AFP: variants seen among roughly 807,000 people sequenced by gnomAD.
AFP encodes the protein alpha fetoprotein.
Under a neutral mutation model 78.9 loss-of-function variants are expected in AFP, and 64 were observed. That is an observed-to-expected ratio of 0.81 (90% CI 0.66 to 1.00). The LOEUF is 1.00. Among genes scored for constraint, AFP ranks in the 50% least tolerant of loss-of-function variants. AFP has a pLI of 0.00. For synonymous variants in AFP, 254 were observed against 243.8 expected, an observed-to-expected ratio of 1.04 and a Z score of -0.39; for missense variants, 689 against 703.8, an observed-to-expected ratio of 0.98 and a Z score of 0.24.
chr4:73,450,518 C>T, intron 10 of AFP, 97 bp from the exon 11 acceptor site: 1 of 1,573,530 alleles, frequency 6.4e-7, no homozygotes. Context: ...GACCTCATGT[C>T]TTCTGGCATG....
At chr4:73,454,039 C>A in intron 13 of AFP, 142 bp downstream of exon 13, 1 of 923,468 alleles carries the variant, frequency 1.1e-6, no homozygotes, top group Admixed American at 3.1e-5. Flanking sequence ...TTGAGGGATT[C>A]TATAAGATTT....
intron 7 of AFP, among the ~76,000 whole-genome samples, chr4:73,447,069 G>A (rs1414308066): frequency 6.6e-6 from 1 of 152,106 alleles, no homozygotes; most frequent in African/African-American, 2.4e-5. Flanking sequence ...CACTATTAGA[G>A]GAGGGATTTG....
In AFP at chr4:73,445,194, G is replaced by A. The variant is rs1157494227; in HGVS notation, c.843+72G>A. 1.9e-6 allele frequency: 3 copies of A among 1,582,950 alleles called. No individual in the cohort carries two copies. In the East Asian group the frequency reaches 6.8e-5, roughly 36 times the overall value. ...TTTCTTTTTGTCTCATTCTAAAAGG[G>A]AGAAGGTTGTTTGACTTGAATTGGT... On this transcript the variant is annotated intron_variant, in intron 7 of 14. Transcript: ENST00000395792.
chr4:73,448,081 A>G (rs781120305), intron 8 of AFP, among the ~76,000 whole-genome samples: 4 of 152,182 alleles, frequency 2.6e-5, no homozygotes, highest in Non-Finnish European at 5.9e-5. Context: ...TGTTAAAAAA[A>G]AAACTTTTCT....
At position 73,451,176 on chromosome 4, in the gene AFP, A is replaced by G. The variant is rs77784329; in HGVS notation, c.1428+423A>G. 2.4e-3 allele frequency among the ~76,000 whole-genome samples: 362 copies of G among 152,232 alleles called. 1 individual carries two copies. The highest frequency in any genetic ancestry group is 8.6e-3 in the African/African-American group (356 of 41,552). On this transcript the variant is annotated intron_variant, in intron 11 of 14. Coordinates refer to ENST00000395792, the MANE Select transcript of AFP (RefSeq NM_001134.3). Reference sequence around the variant, plus strand: ...GTCATGCTATTTTAGCCATATTTATATTTTCACCTTTTGTAACATGATATT... The same window carrying G: ...GTCATGCTATTTTAGCCATATTTATGTTTTCACCTTTTGTAACATGATATT...
intron 14 of AFP, 61 bp from the exon 15 acceptor site, chr4:73,455,570 C>A (rs568232780): frequency 5.0e-5 from 33 of 665,500 alleles, no homozygotes; most frequent in East Asian, 1.1e-4. Flanking sequence ...ATAATAGAAC[C>A]AGTTACTTAC....
intron 6 of AFP, 26 bp from the exon 7 acceptor site, chr4:73,444,967 A>C (rs746404068): frequency 6.4e-7 from 1 of 1,568,488 alleles, no homozygotes. Context: ...CAAGAAATTA[A>C]TTTCTAATTT....
chr4:73,453,310 T>C (rs1426479081), intron 12 of AFP, among the ~76,000 whole-genome samples: 1 of 152,206 alleles, frequency 6.6e-6, no homozygotes, highest in Non-Finnish European at 1.5e-5. Context: ...GTCTACTTTC[T>C]ATTGCTCTGG....
At chr4:73,438,591 C>T (rs571570314) in intron 3 of AFP, among the ~76,000 whole-genome samples, 1 of 152,112 alleles carries the variant, frequency 6.6e-6, no homozygotes, top group South Asian at 2.1e-4. Flanking sequence ...GTTTTCTTAT[C>T]TGTAAAATAA....
chr4:73,443,381 G>C lies in AFP; in HGVS notation c.650G>C (p.Ser217Thr). 6.2e-7 allele frequency: 1 copy of C among 1,613,796 alleles called. No homozygotes were observed. The highest frequency in any genetic ancestry group is 1.1e-5 in the South Asian group (1 of 91,058). ...ATVTKELRESSLLNQHACAVM... is the reference protein window; with the variant it reads ...ATVTKELRESTLLNQHACAVM... ...GTTACAAAAGAATTAAGAGAAAGCAGCTTGTTAAATCAACATGCATGTGCA... is the reference window on the plus strand; with the variant it reads ...GTTACAAAAGAATTAAGAGAAAGCACCTTGTTAAATCAACATGCATGTGCA... Residue 217 changes from serine (S) to threonine (T), a missense_variant, in exon 6 of 15, where the codon AGC becomes ACC. Physicochemically the swap from Ser to Thr is moderately conservative, Grantham distance 58 (BLOSUM62 1). Coordinates refer to ENST00000395792, the MANE Select transcript of AFP (RefSeq NM_001134.3).
chr4:73,441,359 G>A (rs113725577), intron 4 of AFP, among the ~76,000 whole-genome samples: 1 of 151,746 alleles, frequency 6.6e-6, no homozygotes, highest in East Asian at 1.9e-4. Context: ...GAGGTCAGGA[G>A]ATCGAGACCA....
chr4:73,443,298 G>C (rs779027570), intron 5 of AFP, 49 bp from the exon 6 acceptor site: 1 of 1,375,614 alleles, frequency 7.3e-7, no homozygotes, highest in East Asian at 2.3e-5. Flanking sequence ...AGCTTGTAAA[G>C]AAAATGTTAG....
rs1389413466 is a variant in AFP, at chr4:73,453,810, A to G, written c.1698A>G (p.Glu566=). 1.9e-6 allele frequency: 3 copies of G among 1,613,692 alleles called. No homozygotes were observed. The highest frequency in any genetic ancestry group is 2.5e-6 in the Non-Finnish European group (3 of 1,179,764). The change falls in exon 13 of 15, where the codon GAA becomes GAG. Residue 566 remains glutamate, a synonymous_variant. Coordinates refer to ENST00000395792, the MANE Select transcript of AFP (RefSeq NM_001134.3). The part of the protein sequence containing the change: ...LVKQKPQITE[E]QLEAVIADFS... ...AGCAAAAGCCACAAATAACAGAGGA[A>G]CAACTTGAGGCTGTCATTGCAGATT...
intron 7 of AFP, among the ~76,000 whole-genome samples, chr4:73,445,995 A>G (rs1719812554): frequency 6.6e-6 from 1 of 152,194 alleles, no homozygotes; most frequent in Non-Finnish European, 1.5e-5. Context: ...TAGGTACTCA[A>G]ATGGCTTGAT....
At chr4:73,437,059 C>T in intron 1 of AFP, 101 bp from the exon 2 acceptor site, 3 of 901,456 alleles carry the variant, frequency 3.3e-6, no homozygotes, top group South Asian at 2.8e-5. Flanking sequence ...AATTCTGAAA[C>T]TGTACAGTTC....
intron 4 of AFP, among the ~76,000 whole-genome samples, chr4:73,441,230 A>C (rs2149333555): frequency 6.6e-6 from 1 of 152,228 alleles, no homozygotes; most frequent in Admixed American, 6.5e-5. Context: ...ATGGTCAAGC[A>C]TGGTCAAGAT....
Position 73,437,231 on chromosome 4 carries a change from A to G in AFP, c.137+20A>G, listed in dbSNP as rs1428849992. 1.3e-6 allele frequency: 2 copies of G among 1,581,928 alleles called. No homozygotes were observed. The highest frequency in any genetic ancestry group is 1.3e-5 in the African/African-American group (1 of 74,190). ...TGACCTGTAAGTTTTGCTTATATAA[A>G]TGTACTTTAAATGTGTAAAGCAAGG... On this transcript the variant is annotated intron_variant, in intron 2 of 14. Coordinates refer to ENST00000395792, the MANE Select transcript of AFP (RefSeq NM_001134.3).
chr4:73,451,404 A>G (rs892854429), intron 11 of AFP, among the ~76,000 whole-genome samples: 3 of 152,188 alleles, frequency 2.0e-5, no homozygotes, highest in Admixed American at 1.3e-4. Flanking sequence ...TGCAAACAAA[A>G]TTGTCTATTT....
At chr4:73,452,365 A>G in intron 11 of AFP, 36 bp from the exon 12 acceptor site, 1 of 1,578,952 alleles carries the variant, frequency 6.3e-7, no homozygotes. Context: ...ACTAATGCCC[A>G]ATCTCCTTAC....
Sources: allele counts gnomAD v4.1 joint callset (sites outside exome capture counted in the v4.1 genomes callset), GRCh38; gene constraint gnomAD v4.1.1; transcripts MANE v1.5; gene names NCBI Gene and HGNC (gene_info 2026-07-23, HGNC 2026-07-21).